Variants in HUNK observed in about 807,000 individuals in gnomAD.
The protein encoded by HUNK is hormonally up-regulated Neu-associated kinase.
Under a neutral mutation model 61.0 loss-of-function variants are expected in HUNK, and 21 were observed. That is an observed-to-expected ratio of 0.34 (90% CI 0.24 to 0.50). The LOEUF is 0.50. Among genes scored for constraint, HUNK ranks in the 20% least tolerant of loss-of-function variants. HUNK has a pLI of 0.98. For missense variants in HUNK, 772 were observed against 945.7 expected (o/e 0.82, Z 2.41); for synonymous variants, 371 against 386.1 (o/e 0.96, Z 0.46).
At chr21:31,918,237 G>C (rs1055918568) in intron 1 of HUNK, among the ~76,000 whole-genome samples, 12 of 152,228 alleles carry the variant, frequency 7.9e-5, no homozygotes, top group African/African-American at 2.2e-4. Context: ...TGTAAGTCAG[G>C]GGGTGGATGA....
At chr21:31,911,130 A>G (rs1483790775) in intron 1 of HUNK, among the ~76,000 whole-genome samples, 2 of 152,224 alleles carry the variant, frequency 1.3e-5, no homozygotes, top group Non-Finnish European at 2.9e-5. Flanking sequence ...TTCCAACTGC[A>G]CGTGGATTCA....
intron 1 of HUNK, among the ~76,000 whole-genome samples, chr21:31,880,109 A>T (rs1336342630): frequency 1.3e-5 from 2 of 152,214 alleles, no homozygotes; most frequent in Admixed American, 1.3e-4. Flanking sequence ...CCTCTCCTCC[A>T]TCACCAGCAC....
intron 3 of HUNK, among the ~76,000 whole-genome samples, chr21:31,941,691 G>A (rs745584472): frequency 1.3e-5 from 2 of 152,178 alleles, no homozygotes; most frequent in Non-Finnish European, 2.9e-5. Flanking sequence ...CAAGGCACTC[G>A]TGTTGAAATG....
At chr21:31,945,563 T>C (rs535305790) in intron 3 of HUNK, among the ~76,000 whole-genome samples, 23 of 152,320 alleles carry the variant, frequency 1.5e-4, no homozygotes, top group African/African-American at 5.3e-4. Flanking sequence ...AAGTCAACTG[T>C]AAGTGGCTGG....
intron 1 of HUNK, among the ~76,000 whole-genome samples, chr21:31,894,780 C>G (rs2052414226): frequency 6.6e-6 from 1 of 152,166 alleles, no homozygotes; most frequent in African/African-American, 2.4e-5. Context: ...GAAATATACC[C>G]TTTGCTCTAG....
chr21:31,917,756 A>ACACACACC (rs758905742), intron 1 of HUNK, among the ~76,000 whole-genome samples: 3 of 122,496 alleles, frequency 2.4e-5, no homozygotes, highest in East Asian at 2.3e-4. Flanking sequence ...ACACACACAC[A>ACACACACC]CCCCTGGACT....
rs1228653796 is a variant in HUNK, at chr21:32,002,985, GC to G, written c.*3805del. ...AAAGGACCTAAGATTCTCTGGCTCAGCCCCAGCCTTTCTGAAGAAGGGAAAA... is the reference window on the plus strand; with the variant it reads ...AAAGGACCTAAGATTCTCTGGCTCAGCCCAGCCTTTCTGAAGAAGGGAAAA... On this transcript the variant is annotated 3_prime_UTR_variant, in exon 11 of 11. Transcript: ENST00000270112. 1 of 152,188 alleles carries G rather than the reference GC, an allele frequency of 6.6e-6. No individual in the cohort carries two copies. The highest frequency in any genetic ancestry group is 1.5e-5 in the Non-Finnish European group (1 of 68,042). 9.4% of individuals were successfully genotyped at this position (152,188 alleles called of 1,614,324 possible). A position where few individuals can be genotyped will look rare whatever the true frequency, so the allele number is the denominator to read the frequency against.
At chr21:31,874,205 G>A (rs1159028972) in intron 1 of HUNK, among the ~76,000 whole-genome samples, 3 of 19,706 alleles carry the variant, frequency 1.5e-4, no homozygotes, top group Non-Finnish European at 2.9e-4. Flanking sequence ...TCTGCTCGTG[G>A]AAGGGCGCCG....
intron 2 of HUNK, among the ~76,000 whole-genome samples, chr21:31,934,169 ACTGAGG>A (rs1446490700): frequency 1.3e-5 from 2 of 151,744 alleles, no homozygotes; most frequent in African/African-American, 2.4e-5. Flanking sequence ...ATACACGAAT[ACTGAGG>A]CTGGGCGCGG....
chr21:31,975,285 G>A (rs2053040809), intron 7 of HUNK, among the ~76,000 whole-genome samples: 1 of 152,206 alleles, frequency 6.6e-6, no homozygotes, highest in African/African-American at 2.4e-5. Context: ...ACAGCGTGGG[G>A]TGGATGGTGG....
At chr21:31,947,570 C>T (rs2052817882) in intron 4 of HUNK, among the ~76,000 whole-genome samples, 1 of 152,220 alleles carries the variant, frequency 6.6e-6, no homozygotes, top group Non-Finnish European at 1.5e-5. Flanking sequence ...GGACTCTGCA[C>T]GAAGGGAGGG....
intron 4 of HUNK, among the ~76,000 whole-genome samples, chr21:31,950,358 T>C (rs934585203): frequency 2.0e-5 from 3 of 152,304 alleles, no homozygotes; most frequent in East Asian, 1.9e-4. Context: ...TCTTTTGTTA[T>C]GGCAACCCTA....
chr21:31,909,506 C>T (rs2052531331), intron 1 of HUNK, among the ~76,000 whole-genome samples: 1 of 152,146 alleles, frequency 6.6e-6, no homozygotes, highest in African/African-American at 2.4e-5. Context: ...TTAGCATCGC[C>T]AAGATCAGTC....
At chr21:31,977,200 A>G (rs2123854313) in intron 7 of HUNK, among the ~76,000 whole-genome samples, 1 of 152,364 alleles carries the variant, frequency 6.6e-6, no homozygotes, top group South Asian at 2.1e-4. Context: ...ATTTATAAAT[A>G]TGCATATGTT....
At chr21:31,926,244 T>C (rs1048721060) in intron 2 of HUNK, among the ~76,000 whole-genome samples, 2 of 152,222 alleles carry the variant, frequency 1.3e-5, no homozygotes, top group African/African-American at 4.8e-5. Context: ...TTGGTGCTTA[T>C]TTTAAAAAGC....
At chr21:31,995,990 G>A (rs1289635482) in intron 10 of HUNK, 42 bp downstream of exon 10, 2 of 1,475,798 alleles carry the variant, frequency 1.4e-6, no homozygotes, top group South Asian at 2.4e-5. Flanking sequence ...CTCGTGTTGG[G>A]CTGTGTGTCC....
chr21:31,968,119 T>A (rs1390932924), intron 5 of HUNK, 131 bp from the exon 6 acceptor site: 1 of 1,089,276 alleles, frequency 9.2e-7, no homozygotes, highest in African/African-American at 1.6e-5. Flanking sequence ...CCCAGAGACC[T>A]AGAGAAGAGA....
At chr21:31,936,348 T>G (rs2052733508) in intron 2 of HUNK, among the ~76,000 whole-genome samples, 1 of 152,234 alleles carries the variant, frequency 6.6e-6, no homozygotes. Flanking sequence ...TCCTATTGGA[T>G]AAGTTACAAA....
intron 10 of HUNK, among the ~76,000 whole-genome samples, chr21:31,998,307 C>T (rs1036058134): frequency 6.6e-5 from 10 of 152,190 alleles, no homozygotes; most frequent in Non-Finnish European, 8.8e-5. Context: ...CTGTCGCCAG[C>T]CCTCTGTCCC....
Sources: allele counts gnomAD v4.1 joint callset (sites outside exome capture counted in the v4.1 genomes callset), GRCh38; gene constraint gnomAD v4.1.1; transcripts MANE v1.5; gene names NCBI Gene and HGNC (gene_info 2026-07-23, HGNC 2026-07-21).